DSC1: variants seen among roughly 807,000 people sequenced by gnomAD.
DSC1 encodes the protein desmocollin-1.
Under a neutral mutation model 98.8 loss-of-function variants are expected in DSC1, and 79 were observed. The ratio of observed to expected loss-of-function variants is 0.80; its 90% CI spans 0.67 to 0.96. The LOEUF (loss-of-function observed/expected upper bound fraction) is 0.96, where lower values mean the gene tolerates loss of function less well. Among genes scored for constraint, DSC1 ranks in the 50% least tolerant of loss-of-function variants. The pLI is 0.00. For synonymous variants in DSC1, 405 were observed against 372.1 expected, an observed-to-expected ratio of 1.09 and a Z score of -1.02; for missense variants, 1,115 against 1,075.9, an observed-to-expected ratio of 1.04 and a Z score of -0.51.
At chr18:31,131,960 A>T in intron 14 of DSC1, 118 bp from the exon 15 acceptor site, 1 of 1,187,022 alleles carries the variant, frequency 8.4e-7, no homozygotes, top group Non-Finnish European at 1.2e-6. Context: ...TTCCTCATAC[A>T]TAAAATCAGA....
intron 8 of DSC1, among the ~76,000 whole-genome samples, chr18:31,142,975 T>C (rs886284529): frequency 5.9e-5 from 9 of 152,076 alleles, no homozygotes; most frequent in Non-Finnish European, 1.2e-4. Context: ...TGAACATGTC[T>C]ATCACTGTAC....
At position 31,130,647 on chromosome 18, in the gene DSC1, T is replaced by C. The variant is rs879406769; in HGVS notation, c.2552A>G (p.Asn851Ser). Reference protein sequence around the residue: ...KHCEDYVCSYNYEGKGSLAGS... With the variant: ...KHCEDYVCSYSYEGKGSLAGS... ...GGCCAGAGAACCTTTGCCTTCATAG[T>C]TATACGAACAAACGTAGTCTTCACA... Residue 851 changes from asparagine (N) to serine (S), a missense_variant, in exon 16 of 16, where the codon AAC becomes AGC. Physicochemically the swap from Asn to Ser is conservative, Grantham distance 46 (BLOSUM62 1). Coordinates refer to ENST00000257198, the MANE Select transcript of DSC1 (RefSeq NM_024421.2). 1 of 1,614,052 alleles carries C rather than the reference T, an allele frequency of 6.2e-7. No individual in the cohort carries two copies. The highest frequency in any genetic ancestry group is 1.3e-5 in the African/African-American group (1 of 74,920).
rs181080049 is a variant in DSC1 at position 31,154,581 on chromosome 18, G to A, written c.627+193C>T. 5.3e-5 allele frequency among the ~76,000 whole-genome samples: 8 copies of A among 151,858 alleles called. No homozygotes were observed. In the East Asian group the frequency reaches 7.7e-4, roughly 15 times the overall value. ...TCGTTATATTTTCTTTACCTCCCCC[G>A]CCACTTCCCTTATTATATCCACTGT... On this transcript the variant is annotated intron_variant, in intron 5 of 15. Coordinates refer to ENST00000257198, the MANE Select transcript of DSC1 (RefSeq NM_024421.2).
chr18:31,150,102 A>G (rs1988932865), intron 5 of DSC1, among the ~76,000 whole-genome samples: 1 of 150,136 alleles, frequency 6.7e-6, no homozygotes, highest in Admixed American at 6.6e-5. Context: ...CATCATCATC[A>G]TGACACTGCC....
Position 31,134,569 on chromosome 18 carries a change from T to A in DSC1, c.1876+3A>T, listed in dbSNP as rs751156116. ...GACTATAAAATTTAGCATGATTACA[T>A]ACCATCCTTTTCTTCTATGTTCCAG... On this transcript the variant is annotated splice_donor_region_variant and intron_variant, in intron 12 of 15. Transcript: ENST00000257198. 1 of 1,603,588 alleles carries A rather than the reference T, an allele frequency of 6.2e-7. No individual in the cohort carries two copies. The highest frequency in any genetic ancestry group is 2.2e-5 in the East Asian group (1 of 44,708).
intron 9 of DSC1, among the ~76,000 whole-genome samples, chr18:31,140,878 T>G (rs1988720531): frequency 6.6e-6 from 1 of 152,198 alleles, no homozygotes; most frequent in Admixed American, 6.5e-5. Context: ...TCCCACCTGT[T>G]GTGGGAGGGA....
chr18:31,134,863 C>T (rs1479460359), intron 11 of DSC1, 79 bp from the exon 12 acceptor site: 1 of 1,328,538 alleles, frequency 7.5e-7, no homozygotes, highest in African/African-American at 1.5e-5. Context: ...ACACAGTTGA[C>T]ATCTGCTTTC....
chr18:31,146,991 C>G (rs1307726626), intron 6 of DSC1, among the ~76,000 whole-genome samples: 3 of 152,056 alleles, frequency 2.0e-5, no homozygotes, highest in African/African-American at 7.2e-5. Flanking sequence ...TATTGTGAAA[C>G]AGCAATATTA....
At position 31,131,674 on chromosome 18, in the gene DSC1, C is replaced by G; in HGVS notation, c.2407G>C (p.Val803Leu). Residue 803 changes from valine (V) to leucine (L), a missense_variant, in exon 15 of 16, where the codon GTC becomes CTC. Coordinates refer to ENST00000257198, the MANE Select transcript of DSC1 (RefSeq NM_024421.2). ...KGGGHQTLES[V>L]KGVGQGDTGR... is the part of the protein sequence containing the mutation. ...GTATCTCCCTGCCCCACTCCCTTGA[C>G]GGACTCCAAGGTCTGATGTCCACCT... The G allele has an allele frequency of 1.9e-6, 3 of 1,614,122 alleles. No individual in the cohort carries two copies. Among genetic ancestry groups the G allele is most frequent in the Non-Finnish European group, 2.5e-6 (3 of 1,179,986 alleles).
Position 31,130,942 on chromosome 18 carries a change from C to T in DSC1, c.2488-231G>A, listed in dbSNP as rs190995415. ...GAGCACATTTAAAAAATTAAGACTA[C>T]GCATATATCACGCAACACATTTATA... On this transcript the variant is annotated intron_variant, in intron 15 of 15. Coordinates refer to ENST00000257198, the MANE Select transcript of DSC1 (RefSeq NM_024421.2). 769 of 1,060,164 alleles carry T rather than the reference C, an allele frequency of 7.3e-4. 8 individuals carry two copies. The highest frequency in any genetic ancestry group is 6.0e-3 in the Middle Eastern group (19 of 3,146). 65.7% of individuals were successfully genotyped at this position (1,060,164 alleles called of 1,614,324 possible). A position where few individuals can be genotyped will look rare whatever the true frequency, so the allele number is the denominator to read the frequency against.
At chr18:31,158,951 A>G (rs1989152593) in intron 2 of DSC1, among the ~76,000 whole-genome samples, 1 of 151,810 alleles carries the variant, frequency 6.6e-6, no homozygotes. Context: ...GTATACAACT[A>G]ACTTTGGTAT....
Position 31,144,340 on chromosome 18 carries a change from A to G in DSC1, c.940-549T>C, listed in dbSNP as rs187774869. Reference sequence around the variant, plus strand: ...AAAATTTAAAGCTGCTTTATTTATAATTGCCAAAACTTGAAAACAACCAAG... The same window carrying G: ...AAAATTTAAAGCTGCTTTATTTATAGTTGCCAAAACTTGAAAACAACCAAG... On this transcript the variant is annotated intron_variant, in intron 7 of 15. Transcript: ENST00000257198. Among the ~76,000 whole-genome samples, 52 of 152,340 alleles carry G rather than the reference A, an allele frequency of 3.4e-4. 2 individuals are homozygous for G. Among genetic ancestry groups the G allele is most frequent in the East Asian group, 2.9e-3 (15 of 5,194 alleles).
Position 31,148,704 on chromosome 18 carries a change from C to G in DSC1, c.628-62G>C, listed in dbSNP as rs1027609575. 11 of 1,419,614 alleles carry G rather than the reference C, an allele frequency of 7.7e-6. No individual in the cohort carries two copies. In the African/African-American group the frequency reaches 1.3e-4, roughly 17 times the overall value. The allele number at this position is 1,419,614 out of a possible 1,614,324, so 87.9% of individuals were successfully genotyped here. On this transcript the variant is annotated intron_variant, in intron 5 of 15. Transcript: ENST00000257198. Reference sequence around the variant, plus strand: ...ACCACAAATTATGCACAAAAGTAAGCCTAGCAGTGGGGGAAAATGTAACAT... The same window carrying G: ...ACCACAAATTATGCACAAAAGTAAGGCTAGCAGTGGGGGAAAATGTAACAT...
Position 31,160,220 on chromosome 18 carries a change from G to GA in DSC1, c.64-692dup, listed in dbSNP as rs1295840955. Among the ~76,000 whole-genome samples the GA allele has an allele frequency of 9.9e-5, 15 of 152,102 alleles. No individual in the cohort carries two copies. The East Asian group carries it at 1.9e-3, about 20-fold the overall frequency. On this transcript the variant is annotated intron_variant, in intron 1 of 15. Transcript: ENST00000257198. ...TAGTTCAAAGACATAGACACTATCT[G>GA]AAAAAAACAAAAGAAAAGCTATCAT... is the stretch of plus-strand genomic sequence containing the variant.
At chr18:31,155,554 C>G (rs958896128) in intron 4 of DSC1, among the ~76,000 whole-genome samples, 75 of 152,146 alleles carry the variant, frequency 4.9e-4, no homozygotes, top group Non-Finnish European at 1.1e-3. Flanking sequence ...CGCTTGAACC[C>G]AGGAGGCAGA....
intron 14 of DSC1, 149 bp from the exon 15 acceptor site, chr18:31,131,991 AT>A: frequency 1.1e-6 from 1 of 930,324 alleles, no homozygotes; most frequent in Non-Finnish European, 1.6e-6. Flanking sequence ...CATAGGTGTG[AT>A]GGGTTGAATT....
rs1598610857 is a variant in DSC1, at chr18:31,130,945, A to C, written c.2488-234T>G. 5.9e-6 allele frequency: 6 copies of C among 1,013,336 alleles called. 1 individual carries two copies. In the East Asian group the frequency reaches 1.5e-4, roughly 25 times the overall value. 62.8% of individuals were successfully genotyped at this position (1,013,336 alleles called of 1,614,324 possible). On this transcript the variant is annotated intron_variant, in intron 15 of 15. Coordinates refer to ENST00000257198, the MANE Select transcript of DSC1 (RefSeq NM_024421.2). The stretch of plus-strand genomic sequence containing the variant: ...CACATTTAAAAAATTAAGACTACGC[A>C]TATATCACGCAACACATTTATAATT...
Position 31,134,752 on chromosome 18 carries a change from G to T in DSC1, c.1696C>A (p.His566Asn). 1 of 1,612,752 alleles carries T rather than the reference G, an allele frequency of 6.2e-7. No individual in the cohort carries two copies. The highest frequency in any genetic ancestry group is 1.1e-5 in the South Asian group (1 of 90,984). The part of the protein sequence containing the change: ...GRSCTGTLVV[H>N]LDDYNDHAPQ... ...GCGTGATCGTTGTAATCATCCAAATGAACTACTAATGTTCCAGTGCAAGAT... is the reference window on the plus strand; with the variant it reads ...GCGTGATCGTTGTAATCATCCAAATTAACTACTAATGTTCCAGTGCAAGAT... The change falls in exon 12 of 16, where the codon CAT (histidine) becomes AAT (asparagine). Residue 566 changes from histidine to asparagine, a missense_variant. By Grantham distance (68) the His-to-Asn change is moderately conservative. Transcript: ENST00000257198.
rs188139969 is a variant in DSC1, at chr18:31,131,413, G to C, written c.2487+181C>G. On this transcript the variant is annotated intron_variant, in intron 15 of 15. Transcript: ENST00000257198. ...AAGTTTTGTAAACTGTATTTTCAAA[G>C]GTGAATTTTCAAAGATCATTTTTAT... is the stretch of plus-strand genomic sequence containing the variant. 1.1e-4 allele frequency: 91 copies of C among 845,116 alleles called. No homozygotes were observed. The East Asian group carries it at 2.5e-3, about 23-fold the overall frequency. The allele number at this position is 845,116 out of a possible 1,614,324, so 52.4% of individuals were successfully genotyped here.
Sources: gnomAD v4.1 joint callset for allele counts (sites outside exome capture counted in the v4.1 genomes callset) on GRCh38, gnomAD v4.1.1 for gene constraint, MANE v1.5 for transcripts, NCBI Gene and HGNC (gene_info 2026-07-23, HGNC 2026-07-21) for gene names.